The following NBAS variants were observed in gnomAD, a reference collection of about 807,000 sequenced individuals.
The protein encoded by NBAS is NBAS subunit of NRZ tethering complex.
Under a neutral mutation model 302.5 loss-of-function variants are expected in NBAS, and 219 were observed. The ratio of observed to expected loss-of-function variants is 0.72; its 90% CI spans 0.65 to 0.81. NBAS has a LOEUF of 0.81. NBAS is among the 30% of genes least tolerant of loss of function. The pLI is 0.00. For missense variants in NBAS, 2,932 were observed against 2,841.6 expected (o/e 1.03, Z -0.72); for synonymous variants, 1,118 against 1,021.6 (o/e 1.09, Z -1.80).
the NBAS span, among the ~76,000 whole-genome samples, chr2:14,918,230 G>A: frequency 1.3e-5 from 2 of 151,024 alleles, no homozygotes; most frequent in East Asian, 3.9e-4. Context: ...TATCAAGTAC[G>A]TACTCTGTGC....
chr2:15,108,413 T>C, the NBAS span, among the ~76,000 whole-genome samples: 1 of 152,114 alleles, frequency 6.6e-6, no homozygotes, highest in Admixed American at 6.6e-5. Context: ...CCCAAGTCTC[T>C]CTCACCCCAA....
chr2:15,382,207 G>A (rs2111454), intron 29 of NBAS, among the ~76,000 whole-genome samples: 94,112 of 151,902 alleles, frequency 0.62, 29,948 homozygotes, highest in Middle Eastern at 0.69. Flanking sequence ...TTGGACACAC[G>A]CGTGCACGCA....
intron 12 of NBAS, among the ~76,000 whole-genome samples, chr2:15,480,549 A>G (rs1029087132): frequency 1.3e-5 from 2 of 152,146 alleles, no homozygotes; most frequent in African/African-American, 4.8e-5. Context: ...CATGGGTTTA[A>G]GAAAGATGAA....
rs143822528 is a variant in NBAS at position 15,351,588 on chromosome 2, G to A, written c.4179+404C>T. ...AGCTACTTGGGAAGCTGAGGCAGGG[G>A]AATTGCTTGAACCTGGGAGGTGGAG... is the stretch of plus-strand genomic sequence containing the variant. On this transcript the variant is annotated intron_variant, in intron 35 of 51. Transcript: ENST00000281513. Among the ~76,000 whole-genome samples the A allele has an allele frequency of 3.3e-3, 501 of 152,148 alleles. 2 individuals are homozygous for A. The highest frequency in any genetic ancestry group is 5.6e-3 in the Non-Finnish European group (381 of 68,014).
chr2:15,186,875 G>A lies in NBAS; in HGVS notation c.6578C>T (p.Thr2193Ile). The A allele has an allele frequency of 6.2e-7, 1 of 1,613,904 alleles. No homozygotes were observed. Among genetic ancestry groups the A allele is most frequent in the South Asian group, 1.1e-5 (1 of 91,074 alleles). Residue 2193 changes from threonine to isoleucine, a missense_variant, in exon 50 of 52, where the codon ACC becomes ATC. Thr to Ile is a moderately conservative substitution (Grantham distance 89). Coordinates refer to ENST00000281513, the MANE Select transcript of NBAS (RefSeq NM_015909.4). ...WPPMKSEYVI[T>I]NNPWVRLATV... ...AGCTAGTCTCACCCATGGATTATTG[G>A]TTATGCTGGTGTTTATGGAGAAAAA...
At chr2:15,531,998 GA>G (rs1197466795) in intron 9 of NBAS, among the ~76,000 whole-genome samples, 1 of 152,014 alleles carries the variant, frequency 6.6e-6, no homozygotes, top group Non-Finnish European at 1.5e-5. Context: ...AAAGTTCCAC[GA>G]GGAAGATATA....
At chr2:15,520,799 AGGCC>A (rs1662632574) in intron 9 of NBAS, among the ~76,000 whole-genome samples, 2 of 152,254 alleles carry the variant, frequency 1.3e-5, no homozygotes, top group South Asian at 4.1e-4. Context: ...TTTGGCCCAC[AGGCC>A]AAAGTTTGCC....
chr2:14,920,466 A>T, the NBAS span, among the ~76,000 whole-genome samples: 251 of 152,300 alleles, frequency 1.6e-3, no homozygotes, highest in African/African-American at 5.8e-3. Context: ...CTTTAACAGG[A>T]TAGTCTGTCT....
intron 6 of NBAS, 26 bp downstream of exon 6, chr2:15,551,467 T>A (rs781146237): frequency 3.2e-6 from 5 of 1,539,236 alleles, no homozygotes; most frequent in Non-Finnish European, 3.6e-6. Flanking sequence ...AAATTTTCAT[T>A]CTTTAAATAT....
At chr2:15,302,426 T>C (rs959255473) in intron 40 of NBAS, among the ~76,000 whole-genome samples, 3 of 152,132 alleles carry the variant, frequency 2.0e-5, no homozygotes, top group Admixed American at 6.5e-5. Flanking sequence ...CTGGGCCCCA[T>C]GTACTGTACT....
chr2:14,898,714 C>A, the NBAS span, among the ~76,000 whole-genome samples: 15 of 152,290 alleles, frequency 9.8e-5, no homozygotes, highest in Middle Eastern at 3.4e-3. Flanking sequence ...CTGCTGCCAT[C>A]CATATAAGAC....
chr2:14,828,673 G>C, the NBAS span, among the ~76,000 whole-genome samples: 1 of 152,200 alleles, frequency 6.6e-6, no homozygotes, highest in African/African-American at 2.4e-5. Context: ...TGTTGGAATG[G>C]ACCAAGTAGG....
At chr2:15,439,122 C>G (rs538179367) in intron 21 of NBAS, among the ~76,000 whole-genome samples, 2 of 151,782 alleles carry the variant, frequency 1.3e-5, no homozygotes, top group Non-Finnish European at 2.9e-5. Context: ...GGTGAAACCC[C>G]GTCTCTACTA....
chr2:14,902,643 A>G, the NBAS span, among the ~76,000 whole-genome samples: 1 of 152,190 alleles, frequency 6.6e-6, no homozygotes, highest in South Asian at 2.1e-4. Context: ...CTCATTGGCA[A>G]TGAGACCTAT....
In NBAS at chr2:15,275,755, A is replaced by C; in HGVS notation, c.5453T>G (p.Leu1818Arg). The C allele has an allele frequency of 6.2e-7, 1 of 1,614,206 alleles. No individual in the cohort carries two copies. The highest frequency in any genetic ancestry group is 8.5e-7 in the Non-Finnish European group (1 of 1,180,040). ...AATAGACAAGATATTTTGACTTGAA[A>C]GAACTGGCTCCAATGCTTCAAGAGG... is the stretch of plus-strand genomic sequence containing the variant. The part of the protein sequence containing the change: ...MSPLEALEPV[L>R]SSQNILSISK... Residue 1818 changes from leucine (L) to arginine (R), a missense_variant, in exon 44 of 52, where the codon CTT (leucine) becomes CGT (arginine). Physicochemically the swap from Leu to Arg is moderately radical, Grantham distance 102. Transcript: ENST00000281513.
rs1206370485 is a variant in NBAS at position 15,314,229 on chromosome 2, A to C, written c.4583-4982T>G. 2.0e-5 allele frequency among the ~76,000 whole-genome samples: 3 copies of C among 152,042 alleles called. No homozygotes were observed. In the South Asian group the frequency reaches 6.2e-4, roughly 32 times the overall value. ...AAACTATCCAGACATGATGGCATGC[A>C]CCGGTAGTCCCAGCTACTCAGGAGG... On this transcript the variant is annotated intron_variant, in intron 38 of 51. Transcript: ENST00000281513.
At chr2:15,393,951 G>A (rs1277926446) in intron 28 of NBAS, among the ~76,000 whole-genome samples, 3 of 152,072 alleles carry the variant, frequency 2.0e-5, no homozygotes, top group African/African-American at 2.4e-5. Context: ...GCCCTGATGA[G>A]GAGAAGGGAG....
chr2:15,350,645 T>C (rs1673309550), intron 35 of NBAS, among the ~76,000 whole-genome samples: 1 of 152,196 alleles, frequency 6.6e-6, no homozygotes, highest in South Asian at 2.1e-4. Context: ...CGGACAATTT[T>C]ATTCATAAGA....
intron 34 of NBAS, among the ~76,000 whole-genome samples, chr2:15,352,840 G>T (rs115223555): frequency 0.011 from 1,637 of 152,154 alleles, 23 homozygotes; most frequent in African/African-American, 0.037. Context: ...AGTTTCAGGG[G>T]TTTTTTTCTA....
Sources: gnomAD v4.1 joint callset for allele counts (sites outside exome capture counted in the v4.1 genomes callset) on GRCh38, gnomAD v4.1.1 for gene constraint, MANE v1.5 for transcripts, NCBI Gene and HGNC (gene_info 2026-07-23, HGNC 2026-07-21) for gene names.